Variants in RTBDN observed in about 807,000 individuals in gnomAD.
The protein encoded by RTBDN is retbindin.
In RTBDN, 24 loss-of-function variants were observed where a neutral mutation model predicts 21.9. The ratio of observed to expected loss-of-function variants is 1.10; its 90% CI spans 0.79 to 1.54. The LOEUF (loss-of-function observed/expected upper bound fraction) is 1.54. RTBDN is among the 40% of genes most tolerant of loss of function. The pLI is 0.00. For missense variants in RTBDN, 325 were observed against 315.2 expected (o/e 1.03, Z -0.23); for synonymous variants, 141 against 125.9 (o/e 1.12, Z -0.80).
At chr19:12,829,168 A>G (rs1969453031) in intron 2 of RTBDN, 6 of 751,240 alleles carry the variant, frequency 8.0e-6, no homozygotes. Context: ...TGTGCCTGGT[A>G]GTGACACATA....
chr19:12,826,084 G>A, intron 5 of RTBDN, 151 bp from the exon 6 acceptor site: 1 of 1,411,672 alleles, frequency 7.1e-7, no homozygotes. Flanking sequence ...ACGTGAGTGG[G>A]GGCAGGTCCT....
chr19:12,826,925 C>G (rs10407849), intron 4 of RTBDN, 54 bp from the exon 5 acceptor site: 61,876 of 1,264,716 alleles, frequency 0.049, 1,921 homozygotes, highest in African/African-American at 0.12. Context: ...CATTCCAGCG[C>G]GATTCTGGCT....
chr19:12,828,943 A>G lies in RTBDN; in HGVS notation c.180T>C (p.Cys60=), dbSNP rs765358476. ...KGKLHLAGPC[C]PSEMDTTETS... is the part of the protein sequence containing the mutation. ...TCTCTGTTGTGTCCATCTCTGAGGGACAACAAGGTCCTGGCAAAGGGGAAC... is the reference window on the plus strand; with the variant it reads ...TCTCTGTTGTGTCCATCTCTGAGGGGCAACAAGGTCCTGGCAAAGGGGAAC... The change falls in exon 3 of 6, where the codon TGT becomes TGC. Residue 60 remains cysteine (C), a synonymous_variant. Coordinates refer to ENST00000674343, the MANE Select transcript of RTBDN (RefSeq NM_001270441.2). 6.2e-7 allele frequency: 1 copy of G among 1,614,148 alleles called. No individual in the cohort carries two copies. The highest frequency in any genetic ancestry group is 1.3e-5 in the African/African-American group (1 of 75,044).
upstream of RTBDN, chr19:12,835,023 G>A (rs1448771456): frequency 7.5e-6 from 12 of 1,592,718 alleles, no homozygotes; most frequent in Non-Finnish European, 1.0e-5. Context: ...CCGAGAATGG[G>A]CCCAGACTCA....
Position 12,825,881 on chromosome 19 carries a change from G to C in RTBDN, c.515C>G (p.Pro172Arg). ...GTGACGGGCTCCAGGAGCAGCCACC[G>C]GTAGGGCGTGGCCCAGAGCCGAGCG... ...LCRSALGHAL[P>R]VAAPGARHCF... The change falls in exon 6 of 6, where the codon CCG (proline) becomes CGG (arginine). Residue 172 changes from proline to arginine, a missense_variant. Coordinates refer to ENST00000674343, the MANE Select transcript of RTBDN (RefSeq NM_001270441.2). The C allele has an allele frequency of 6.2e-7, 1 of 1,613,144 alleles. No homozygotes were observed. Among genetic ancestry groups the C allele is most frequent in the Non-Finnish European group, 8.5e-7 (1 of 1,179,622 alleles).
At position 12,830,238 on chromosome 19, in the gene RTBDN, C is replaced by T. The variant is rs1472664143; in HGVS notation, c.-18-241G>A. 6 of 1,266,686 alleles carry T rather than the reference C, an allele frequency of 4.7e-6. No individual in the cohort carries two copies. Among genetic ancestry groups the T allele is most frequent in the Non-Finnish European group, 6.0e-6 (6 of 1,002,420 alleles). 78.5% of individuals were successfully genotyped at this position (1,266,686 alleles called of 1,614,324 possible). A position where few individuals can be genotyped will look rare whatever the true frequency, so the allele number is the denominator to read the frequency against. ...TCCCTTCAGTGCCACCCCAACCAAG[C>T]TTAGACCACAGTGGCCCTCCTCCCA... On this transcript the variant is annotated intron_variant, in intron 1 of 5. Transcript: ENST00000674343. The surrounding 1 kb of genome is among the most constrained non-coding windows in gnomAD (Gnocchi z 4.2).
upstream of RTBDN, chr19:12,834,870 A>C (rs1207357064): frequency 1.2e-6 from 2 of 1,613,594 alleles, no homozygotes; most frequent in South Asian, 2.2e-5. This position sits in a 1 kb window ranked among gnomAD's most constrained non-coding sequence, Gnocchi z 4.7. Flanking sequence ...ACGGAAGTTC[A>C]GGGTTAATAC....
chr19:12,827,624 A>T (rs1969367125), intron 4 of RTBDN, among the ~76,000 whole-genome samples: 1 of 151,556 alleles, frequency 6.6e-6, no homozygotes, highest in African/African-American at 2.4e-5. Context: ...CGTCCGGCCC[A>T]TGTCTAATTA....
In RTBDN at chr19:12,828,670, G is replaced by A. The variant is rs1415090292; in HGVS notation, c.352C>T (p.Leu118Phe). The A allele has an allele frequency of 1.9e-5, 30 of 1,613,462 alleles. No homozygotes were observed. Among genetic ancestry groups the A allele is most frequent in the Non-Finnish European group, 2.5e-5 (30 of 1,179,688 alleles). Reference sequence around the variant, plus strand: ...CGCGTCTCCTACCAGGCCTGGCAGAGCTCCTCGCAGAGCGGCTGTGCCTGG... The same window carrying A: ...CGCGTCTCCTACCAGGCCTGGCAGAACTCCTCGCAGAGCGGCTGTGCCTGG... ...VRQAQPLCEE[L>F]CQAWFANCED... Residue 118 changes from leucine (L) to phenylalanine (F), a missense_variant, in exon 4 of 6, where the codon CTC (leucine) becomes TTC (phenylalanine). Leu to Phe is a conservative substitution (Grantham distance 22). Transcript: ENST00000674343.
chr19:12,835,124 C>T (rs752698112), upstream of RTBDN: 6 of 1,612,468 alleles, frequency 3.7e-6, no homozygotes, highest in East Asian at 2.2e-5. Flanking sequence ...ATCCATCATT[C>T]CCGAGGTTGA....
chr19:12,835,041 T>A, upstream of RTBDN: 1 of 1,604,720 alleles, frequency 6.2e-7, no homozygotes, highest in South Asian at 1.1e-5. Flanking sequence ...TCAGGCTCCA[T>A]CCCCAGCCTG....
At chr19:12,827,038 C>T in intron 4 of RTBDN, 167 bp from the exon 5 acceptor site, 1 of 617,310 alleles carries the variant, frequency 1.6e-6, no homozygotes, top group Non-Finnish European at 2.9e-6. Context: ...TTTCACCCTG[C>T]CCCATATTCT....
chr19:12,831,838 G>A (rs1308749199), intron 1 of RTBDN, among the ~76,000 whole-genome samples: 2 of 152,248 alleles, frequency 1.3e-5, no homozygotes. Context: ...ATGTCTATGT[G>A]TTGTGTTGGG....
rs753136587 is a variant in RTBDN at position 12,829,920 on chromosome 19, C to T, written c.60G>A (p.Leu20=). The T allele has an allele frequency of 2.5e-6, 4 of 1,614,038 alleles. No individual in the cohort carries two copies. Among genetic ancestry groups the T allele is most frequent in the African/African-American group, 1.3e-5 (1 of 74,928 alleles). Residue 20 remains leucine, a synonymous_variant, in exon 2 of 6, where the codon TTG becomes TTA. Transcript: ENST00000674343. ...CACAGGCTTCTAGCAGGATCCATGC[C>T]AAGGTCAGTTGCAGCACCCACGTCA... ...IGLTWVLQLT[L]AWILLEACGG...
At position 12,825,491 on chromosome 19, in the gene RTBDN, T is replaced by TG. The variant is rs1386963851; in HGVS notation, c.*214dup. The TG allele has an allele frequency of 3.4e-5, 24 of 707,316 alleles. No homozygotes were observed. The highest frequency in any genetic ancestry group is 5.1e-5 in the Non-Finnish European group (23 of 447,096). 43.8% of individuals were successfully genotyped at this position (707,316 alleles called of 1,614,324 possible). ...AGCCACACTCGTCACGTGCTCTAGC[T>TG]GGCGACTTTATTCAAAGGGGAGAGG... On this transcript the variant is annotated 3_prime_UTR_variant, in exon 6 of 6. Coordinates refer to ENST00000674343, the MANE Select transcript of RTBDN (RefSeq NM_001270441.2).
chr19:12,825,913 G>T lies in RTBDN; in HGVS notation c.483C>A (p.Asp161Glu). ...CGTGGCCCAGAGCCGAGCGACAAAGGTCCGTCCCGTCTGCGAAGGTCTAGG... is the reference window on the plus strand; with the variant it reads ...CGTGGCCCAGAGCCGAGCGACAAAGTTCCGTCCCGTCTGCGAAGGTCTAGG... The part of the protein sequence containing the change: ...TYGQTFADGT[D>E]LCRSALGHAL... Residue 161 changes from aspartate (D) to glutamate (E), a missense_variant, in exon 6 of 6, where the codon GAC (aspartate) becomes GAA (glutamate). Transcript: ENST00000674343. 1 of 1,597,096 alleles carries T rather than the reference G, an allele frequency of 6.3e-7. No homozygotes were observed. Among genetic ancestry groups the T allele is most frequent in the South Asian group, 1.1e-5 (1 of 89,708 alleles).
At chr19:12,832,534 G>C (rs1568401553) in intron 1 of RTBDN, 2 of 152,120 alleles carry the variant, frequency 1.3e-5, no homozygotes, top group Admixed American at 6.5e-5. Context: ...CTCAGCCCCC[G>C]ACCCTGCGCT....
At chr19:12,831,381 T>C (rs138921645) in intron 1 of RTBDN, among the ~76,000 whole-genome samples, 2 of 152,186 alleles carry the variant, frequency 1.3e-5, no homozygotes, top group Non-Finnish European at 2.9e-5. Flanking sequence ...TACTGTGTGC[T>C]AGATTCTGGG....
rs1011376211 is a variant in RTBDN at position 12,834,206 on chromosome 19, C to G, written c.-19+283G>C. On this transcript the variant is annotated intron_variant, in intron 1 of 5. Coordinates refer to ENST00000674343, the MANE Select transcript of RTBDN (RefSeq NM_001270441.2). This position sits in a 1 kb window ranked among gnomAD's most constrained non-coding sequence, Gnocchi z 4.7. ...GCCCCTCAGGCGCCGCCCGGCGATC[C>G]AGGGAGCTGCCGGAGGGGTGCAGCC... 6.6e-6 allele frequency among the ~76,000 whole-genome samples: 1 copy of G among 152,140 alleles called. No homozygotes were observed. The highest frequency in any genetic ancestry group is 1.5e-5 in the Non-Finnish European group (1 of 68,000).
Sources: allele counts gnomAD v4.1 joint callset (sites outside exome capture counted in the v4.1 genomes callset), GRCh38; gene constraint gnomAD v4.1.1; non-coding constraint Gnocchi (gnomAD v3.1); transcripts MANE v1.5; gene names NCBI Gene and HGNC (gene_info 2026-07-23, HGNC 2026-07-21).